DLC1: variants seen among roughly 807,000 people sequenced by gnomAD.
DLC1 encodes DLC1 Rho GTPase activating protein, also known as rho GTPase-activating protein 7.
DLC1 carries 54 observed loss-of-function variants against 140.3 expected under a neutral mutation model. That is an observed-to-expected ratio of 0.38 (90% confidence interval 0.31 to 0.48). DLC1 has a LOEUF of 0.48. DLC1 is among the 20% of genes least tolerant of loss of function. DLC1 has a pLI of 0.96. For synonymous variants in DLC1, 986 were observed against 728.1 expected (o/e 1.35, Z -5.70); for missense variants, 2,536 against 1,907.0 (o/e 1.33, Z -6.14).
chr8:13,569,499 A>G (rs1251082240), intron 1 of DLC1, among the ~76,000 whole-genome samples: 4 of 152,160 alleles, frequency 2.6e-5, no homozygotes, highest in Non-Finnish European at 5.9e-5. Context: ...ATCTCAATAT[A>G]TTCATGTTTT....
intron 1 of DLC1, among the ~76,000 whole-genome samples, chr8:13,579,388 T>TTA (rs1224814043): frequency 0.11 from 4,586 of 40,662 alleles, 1,999 homozygotes; most frequent in South Asian, 0.2. Flanking sequence ...ATTTATATAT[T>TTA]ATATATTATA....
At chr8:13,565,899 T>G (rs528514453) in intron 1 of DLC1, among the ~76,000 whole-genome samples, 3 of 152,224 alleles carry the variant, frequency 2.0e-5, no homozygotes, top group Admixed American at 6.5e-5. Context: ...AAATATATCC[T>G]GTGTAATAGC....
At position 13,085,871 on chromosome 8, in the gene DLC1, T is replaced by C; in HGVS notation, c.4527A>G (p.Val1509=). ...SFGHLCAAEV[V]KIRDSFSNQN... ...GGTTACTGAAGGAATCCCGGATCTT[T>C]ACAACTTCAGCTGCACACAAATGTC... The change falls in exon 18 of 18, where the codon GTA becomes GTG. Residue 1509 remains valine, a synonymous_variant. Transcript: ENST00000276297. The C allele has an allele frequency of 6.2e-7, 1 of 1,614,194 alleles. No individual in the cohort carries two copies. The highest frequency in any genetic ancestry group is 8.5e-7 in the Non-Finnish European group (1 of 1,180,028).
chr8:13,565,193 A>G (rs1319599975), intron 1 of DLC1, among the ~76,000 whole-genome samples: 2 of 152,196 alleles, frequency 1.3e-5, no homozygotes, highest in Non-Finnish European at 2.9e-5. Context: ...CCACCCACAT[A>G]TATCTCCTTC....
rs184837558 is a variant in DLC1, at chr8:13,571,961, T to C, written c.-126+32576A>G. ...CTTATAATTTCCAAATCCCTAATGA[T>C]GCTAAACAGTTTTTCATGTGATTAA... is the stretch of plus-strand genomic sequence containing the variant. On this transcript the variant is annotated intron_variant, in intron 1 of 1. Coordinates refer to the DLC1 transcript ENST00000631382. 5.9e-5 allele frequency among the ~76,000 whole-genome samples: 9 copies of C among 152,306 alleles called. No homozygotes were observed. The East Asian group carries it at 1.7e-3, about 29-fold the overall frequency.
intron 4 of DLC1, among the ~76,000 whole-genome samples, chr8:13,320,044 C>G (rs917942439): frequency 6.6e-6 from 1 of 151,882 alleles, no homozygotes; most frequent in Admixed American, 6.6e-5. Context: ...GCCTCCTGAC[C>G]TCTTGATCCG....
At chr8:13,122,245 C>T (rs1821151717) in intron 5 of DLC1, among the ~76,000 whole-genome samples, 1 of 152,202 alleles carries the variant, frequency 6.6e-6, no homozygotes, top group Non-Finnish European at 1.5e-5. Context: ...CCACAGCCTT[C>T]ACAGTTTGGC....
intron 2 of DLC1, among the ~76,000 whole-genome samples, chr8:13,424,073 G>A (rs981152): frequency 0.94 from 143,895 of 152,310 alleles, 68,113 homozygotes; most frequent in East Asian, 1. Flanking sequence ...TTTTAAGGGG[G>A]TGTTTCCTTA....
intron 5 of DLC1, among the ~76,000 whole-genome samples, chr8:13,157,943 TTACAG>T (rs1478864499): frequency 6.6e-6 from 1 of 152,264 alleles, no homozygotes; most frequent in African/African-American, 2.4e-5. Context: ...ACTCACTAGT[TTACAG>T]TAGTAGAATT....
intron 7 of DLC1, among the ~76,000 whole-genome samples, chr8:13,106,044 G>C (rs1012706243): frequency 2.0e-5 from 3 of 152,182 alleles, no homozygotes; most frequent in African/African-American, 7.2e-5. Flanking sequence ...GGGCTCCACA[G>C]GAATGTGTCC....
chr8:13,192,778 C>T lies in DLC1; in HGVS notation c.1349-77121G>A, dbSNP rs546933695. On this transcript the variant is annotated intron_variant, in intron 5 of 17. Transcript: ENST00000276297. ...TCATAAGAAGAGGAAGAGACACCAACGGTGCACAAAGGGATGACCCTCTGA... is the reference window on the plus strand; with the variant it reads ...TCATAAGAAGAGGAAGAGACACCAATGGTGCACAAAGGGATGACCCTCTGA... 6.4e-4 allele frequency among the ~76,000 whole-genome samples: 97 copies of T among 152,278 alleles called. 1 individual carries two copies. The highest frequency in any genetic ancestry group is 6.0e-3 in the South Asian group (29 of 4,830).
intron 5 of DLC1, among the ~76,000 whole-genome samples, chr8:13,162,616 C>T (rs961861183): frequency 1.3e-5 from 2 of 152,178 alleles, no homozygotes; most frequent in African/African-American, 4.8e-5. Flanking sequence ...AGCCACGGCT[C>T]CCAGCCAGTA....
At chr8:13,292,572 C>T (rs963143944) in intron 5 of DLC1, among the ~76,000 whole-genome samples, 1 of 152,016 alleles carries the variant, frequency 6.6e-6, no homozygotes, top group Non-Finnish European at 1.5e-5. Context: ...TATAGATGGA[C>T]GCTATTGTGT....
intron 5 of DLC1, chr8:13,214,509 C>CA: frequency 1.5e-6 from 1 of 673,224 alleles, no homozygotes; most frequent in Admixed American, 2.3e-5. Context: ...GTGAAACTGG[C>CA]ATATTGTCAC....
intron 5 of DLC1, among the ~76,000 whole-genome samples, chr8:13,156,698 T>C (rs1480327421): frequency 6.6e-6 from 1 of 152,200 alleles, no homozygotes; most frequent in Non-Finnish European, 1.5e-5. Flanking sequence ...CTGTATCTGA[T>C]GTGGCTAAAG....
chr8:13,396,039 T>G (rs1395059017), intron 3 of DLC1, among the ~76,000 whole-genome samples: 8 of 151,190 alleles, frequency 5.3e-5, no homozygotes, highest in Admixed American at 4.6e-4. Context: ...ATCAGAAATA[T>G]TTTGCATTAA....
At chr8:13,132,198 A>C (rs1822157327) in intron 5 of DLC1, among the ~76,000 whole-genome samples, 1 of 135,940 alleles carries the variant, frequency 7.4e-6, no homozygotes, top group South Asian at 2.4e-4. Context: ...CGGGAAAAAA[A>C]CCAAAACTGT....
chr8:13,189,533 A>C (rs912829614), intron 5 of DLC1, among the ~76,000 whole-genome samples: 1 of 152,112 alleles, frequency 6.6e-6, no homozygotes, highest in East Asian at 1.9e-4. Context: ...ATGCAACTGT[A>C]ATCAAGTAAA....
chr8:13,276,666 C>G (rs2117406817), intron 5 of DLC1: 1 of 1,088,924 alleles, frequency 9.2e-7, no homozygotes, highest in Non-Finnish European at 1.1e-6. Context: ...CCGGAGGCGT[C>G]TCGCTTCCTG....
Sources: gnomAD v4.1 joint callset for allele counts (sites outside exome capture counted in the v4.1 genomes callset) on GRCh38, gnomAD v4.1.1 for gene constraint, MANE v1.5 for transcripts, NCBI Gene and HGNC (gene_info 2026-07-23, HGNC 2026-07-21) for gene names.